The following ARHGAP6 variants were observed in gnomAD, a reference collection of about 807,000 sequenced individuals.
ARHGAP6 encodes the protein Rho GTPase activating protein 6, also known as rho GTPase-activating protein 6.
ARHGAP6 carries 16 observed loss-of-function variants against 55.7 expected under a neutral mutation model. The observed-to-expected ratio is 0.29, with a 90% CI of 0.19 to 0.44. The LOEUF (loss-of-function observed/expected upper bound fraction) is 0.44, where lower values mean the gene tolerates loss of function less well. Among genes scored for constraint, ARHGAP6 ranks in the 20% least tolerant of loss-of-function variants. ARHGAP6 has a pLI of 1.00. For synonymous variants in ARHGAP6, 382 were observed against 360.9 expected (o/e 1.06, Z -0.66); for missense variants, 698 against 808.9 (o/e 0.86, Z 1.66).
Position 11,326,431 on chromosome X carries a change from AT to A in ARHGAP6, c.589-71725del, listed in dbSNP as rs926469525. On this transcript the variant is annotated intron_variant, in intron 1 of 12. Transcript: ENST00000337414. The stretch of plus-strand genomic sequence containing the variant: ...GCGTGAGCCATCGCGCCCAGCTGGG[AT>A]TTTTTTTTTTTCCTATGGAAAGCGG... 4.2e-3 allele frequency among the ~76,000 whole-genome samples: 444 copies of A among 104,829 alleles called. 3 individuals carry two copies. Among genetic ancestry groups the A allele is most frequent in the African/African-American group, 0.014 (397 of 29,099 alleles). The allele number at this position is 104,829 out of a possible 115,157, so 91.0% of individuals were successfully genotyped here.
intron 5 of ARHGAP6, among the ~76,000 whole-genome samples, chrX:11,183,865 G>T (rs373008185): frequency 8.9e-6 from 1 of 112,295 alleles, no homozygotes; most frequent in South Asian, 3.7e-4. Context: ...AGCATGAAAC[G>T]TCTGAATGGC....
intron 1 of ARHGAP6, among the ~76,000 whole-genome samples, chrX:11,297,325 G>A (rs1265860): frequency 8.5e-4 from 95 of 111,744 alleles, no homozygotes; most frequent in Admixed American, 5.6e-3. Flanking sequence ...TTGGACGTCG[G>A]GTTTGAGGTT....
chrX:11,495,897 T>C (rs906952786), intron 1 of ARHGAP6, among the ~76,000 whole-genome samples: 2 of 112,710 alleles, frequency 1.8e-5, no homozygotes, highest in Admixed American at 9.4e-5. Flanking sequence ...TAAGCTGCCA[T>C]ATTGGAGAGA....
At chrX:11,404,258 A>T (rs778219906) in intron 1 of ARHGAP6, among the ~76,000 whole-genome samples, 1 of 111,048 alleles carries the variant, frequency 9.0e-6, no homozygotes, top group South Asian at 3.8e-4. Context: ...TTGGCTTAAG[A>T]ACCTATGAGA....
chrX:11,478,746 CTTGTGTTCAT>C (rs1267252690), intron 1 of ARHGAP6, among the ~76,000 whole-genome samples: 1 of 111,837 alleles, frequency 8.9e-6, no homozygotes, highest in Admixed American at 9.5e-5. Context: ...TTCAGCAGAG[CTTGTGTTCAT>C]TTGTGCTTAA....
At chrX:11,381,366 C>T (rs760706725) in intron 1 of ARHGAP6, among the ~76,000 whole-genome samples, 38 of 112,134 alleles carry the variant, frequency 3.4e-4, no homozygotes, top group Middle Eastern at 4.6e-3. Flanking sequence ...GCTAATACAC[C>T]GAGCATATTT....
rs776570569 is a variant in ARHGAP6 at position 11,506,642 on chromosome X, A to T, written c.588+157599T>A. ...CATTTCTTTATCTAGTCTATCATTG[A>T]TGGACATTTGGGTTGGTTCCAAGTC... is the stretch of plus-strand genomic sequence containing the variant. On this transcript the variant is annotated intron_variant, in intron 1 of 12. Transcript: ENST00000337414. 8.0e-5 allele frequency among the ~76,000 whole-genome samples: 9 copies of T among 111,963 alleles called. No homozygotes were observed. In the South Asian group the frequency reaches 3.0e-3, roughly 37 times the overall value.
intron 6 of ARHGAP6, 40 bp from the exon 7 acceptor site, chrX:11,179,492 A>G: frequency 1.7e-6 from 2 of 1,183,937 alleles, no homozygotes; most frequent in Non-Finnish European, 2.3e-6. Flanking sequence ...ACATAACACC[A>G]TACCTCAATG....
At chrX:11,344,118 C>T (rs992491293) in intron 1 of ARHGAP6, among the ~76,000 whole-genome samples, 4 of 111,326 alleles carry the variant, frequency 3.6e-5, no homozygotes, top group Non-Finnish European at 1.9e-5. Flanking sequence ...GACTTTAGTC[C>T]AGCTTAAATC....
chrX:11,376,717 G>A (rs2049205241), intron 1 of ARHGAP6, among the ~76,000 whole-genome samples: 1 of 112,460 alleles, frequency 8.9e-6, no homozygotes, highest in Admixed American at 9.3e-5. Flanking sequence ...CTTATTTTGT[G>A]CAGCACAATT....
At chrX:11,304,212 C>T (rs2048207340) in intron 1 of ARHGAP6, among the ~76,000 whole-genome samples, 1 of 110,326 alleles carries the variant, frequency 9.1e-6, no homozygotes. Flanking sequence ...GCCTCAGCCT[C>T]CCAAGTAGAG....
At chrX:11,660,551 AAAAAAAAAAAAAAAAAAAAAAAAAAAAC>A (rs2052689147) in intron 1 of ARHGAP6, among the ~76,000 whole-genome samples, 2 of 63,937 alleles carry the variant, frequency 3.1e-5, no homozygotes, top group Non-Finnish European at 6.8e-5. Context: ...AAAAAAAAAA[AAAAAAAAAAAAAAAAAAAAAAAAAAAAC>A]CCAACAGGTC....
chrX:11,301,223 T>C (rs1365735827), intron 1 of ARHGAP6, among the ~76,000 whole-genome samples: 1 of 112,120 alleles, frequency 8.9e-6, no homozygotes, highest in Non-Finnish European at 1.9e-5. Flanking sequence ...ATATGCATAA[T>C]AATGTACTGA....
At chrX:11,151,745 C>G (rs2045782240) in intron 10 of ARHGAP6, among the ~76,000 whole-genome samples, 2 of 112,305 alleles carry the variant, frequency 1.8e-5, no homozygotes, top group African/African-American at 3.2e-5. Flanking sequence ...TGGTTTTACA[C>G]TCTTTTGAAA....
At chrX:11,569,092 G>C in intron 1 of ARHGAP6, among the ~76,000 whole-genome samples, 1 of 111,839 alleles carries the variant, frequency 8.9e-6, no homozygotes, top group Admixed American at 9.5e-5. Context: ...GACTAGTAGA[G>C]CAGAAGAAAG....
chrX:11,319,001 A>T lies in ARHGAP6; in HGVS notation c.589-64294T>A, dbSNP rs138180563. 4.3e-3 allele frequency among the ~76,000 whole-genome samples: 481 copies of T among 112,353 alleles called. 2 individuals are homozygous for T. The highest frequency in any genetic ancestry group is 9.3e-3 in the Middle Eastern group (2 of 216). On this transcript the variant is annotated intron_variant, in intron 1 of 12. Transcript: ENST00000337414. ...ATGGTTCAACAAATGGACCACCAGT[A>T]GATTTTCTCAGTTTATAAATGATAG...
rs1157266733 is a variant in ARHGAP6 at position 11,664,742 on chromosome X, C to A, written c.87G>T (p.Lys29Asn). ...GGCTGCGGGTCTGGCGCAGCTTCCT[C>A]TTGGAGAAGCCCTTGGCCGAGGCCG... ...SSAASAKGFS[K>N]RKLRQTRSLD... Residue 29 changes from lysine to asparagine, a missense_variant, in exon 1 of 13, where the codon AAG becomes AAT. Transcript: ENST00000337414. 1.0e-5 allele frequency: 12 copies of A among 1,199,045 alleles called. No individual in the cohort carries two copies. The highest frequency in any genetic ancestry group is 1.3e-5 in the Non-Finnish European group (12 of 890,963).
intron 1 of ARHGAP6, among the ~76,000 whole-genome samples, chrX:11,385,561 T>G (rs2049318746): frequency 1.8e-5 from 2 of 112,137 alleles, no homozygotes; most frequent in South Asian, 7.4e-4. Context: ...ATTTGTTCTT[T>G]GAGGTGTTTG....
At chrX:11,254,469 G>T in intron 2 of ARHGAP6, 79 bp downstream of exon 2, 1 of 1,101,902 alleles carries the variant, frequency 9.1e-7, no homozygotes, top group Non-Finnish European at 1.2e-6. Flanking sequence ...GGTGTGAGAA[G>T]AGTTCACAGC....
Sources: gnomAD v4.1 joint callset for allele counts (sites outside exome capture counted in the v4.1 genomes callset) on GRCh38, gnomAD v4.1.1 for gene constraint, MANE v1.5 for transcripts, NCBI Gene and HGNC (gene_info 2026-07-23, HGNC 2026-07-21) for gene names.